SPATA33: variants seen among roughly 807,000 people sequenced by gnomAD.
The protein encoded by SPATA33 is spermatogenesis associated 33.
In SPATA33, 10 loss-of-function variants were observed where a neutral mutation model predicts 8.9. That is an observed-to-expected ratio of 1.12 (90% confidence interval 0.69 to 1.90). The LOEUF is 1.90. SPATA33 is among the 40% of genes most tolerant of loss of function. The probability of loss-of-function intolerance (pLI) is 0.00; values close to 1 mark genes in which losing one functional copy is unlikely to be tolerated. For missense variants in SPATA33, 241 were observed against 178.3 expected (o/e 1.35, Z -2.00); for synonymous variants, 96 against 72.8 (o/e 1.32, Z -1.63).
rs116324574 is a variant in SPATA33 at position 89,669,447 on chromosome 16, C to T, written c.373C>T (p.His125Tyr). ...GGAGGACTGGGGCCCCTACCGGCGG[C>T]ACAGGAACCCCAGTACAGCAGACGC... ...EPEDWGPYRR[H>Y]RNPSTADAYN... Residue 125 changes from histidine to tyrosine, a missense_variant, in exon 3 of 3, where the codon CAC becomes TAC. Physicochemically the swap from His to Tyr is moderately conservative, Grantham distance 83. Transcript: ENST00000579310. 5.1e-5 allele frequency: 83 copies of T among 1,613,826 alleles called. No individual in the cohort carries two copies. The East Asian group carries it at 1.8e-3, about 36-fold the overall frequency.
chr16:89,665,676 G>C (rs1034828095), intron 2 of SPATA33, among the ~76,000 whole-genome samples: 2 of 152,190 alleles, frequency 1.3e-5, no homozygotes, highest in Non-Finnish European at 2.9e-5. Context: ...TTTTAGACTA[G>C]AAAATTTCAA....
rs922149965 is a variant in SPATA33, at chr16:89,657,855, G to A, written c.-57G>A. ...CCTTTTGTGAGTCGCTCCCGGCTCC[G>A]CGGCCGCGGAGGTGTGGGGACCCGG... On this transcript the variant is annotated 5_prime_UTR_variant, in exon 1 of 3. Coordinates refer to ENST00000579310, the MANE Select transcript of SPATA33 (RefSeq NM_001271907.2). The A allele has an allele frequency of 1.9e-5, 29 of 1,509,178 alleles. 1 individual carries two copies. The highest frequency in any genetic ancestry group is 3.9e-4 in the Middle Eastern group (2 of 5,168). The allele number at this position is 1,509,178 out of a possible 1,614,324, so 93.5% of individuals were successfully genotyped here.
In SPATA33 at chr16:89,657,896, G is replaced by C; in HGVS notation, c.-16G>C. Reference sequence around the variant, plus strand: ...GGGGACCCGGGCTTGCGTCGGAGGGGGCGGTGGGCTCACCCATGGGCCTTT... The same window carrying C: ...GGGGACCCGGGCTTGCGTCGGAGGGCGCGGTGGGCTCACCCATGGGCCTTT... On this transcript the variant is annotated 5_prime_UTR_variant, in exon 1 of 3. Coordinates refer to ENST00000579310, the MANE Select transcript of SPATA33 (RefSeq NM_001271907.2). The C allele has an allele frequency of 6.6e-7, 1 of 1,517,418 alleles. No individual in the cohort carries two copies. Among genetic ancestry groups the C allele is most frequent in the Non-Finnish European group, 8.8e-7 (1 of 1,139,732 alleles). The allele number at this position is 1,517,418 out of a possible 1,614,324, so 94.0% of individuals were successfully genotyped here.
rs2060088193 is a variant in SPATA33 at position 89,670,436 on chromosome 16, A to G, written c.*939A>G. The G allele has an allele frequency of 1.3e-5, 2 of 152,372 alleles. No homozygotes were observed. Among genetic ancestry groups the G allele is most frequent in the African/African-American group, 4.8e-5 (2 of 41,576 alleles). 9.4% of individuals were successfully genotyped at this position (152,372 alleles called of 1,614,324 possible). A position where few individuals can be genotyped will look rare whatever the true frequency, so the allele number is the denominator to read the frequency against. On this transcript the variant is annotated 3_prime_UTR_variant, in exon 3 of 3. Transcript: ENST00000579310. ...AGCTTTGTGGTATTGATAAATGAAT[A>G]AATTAGTATGTTCATGTTGGAAGTG... is the stretch of plus-strand genomic sequence containing the variant.
chr16:89,665,736 C>T (rs764497671), intron 2 of SPATA33, among the ~76,000 whole-genome samples: 1 of 152,108 alleles, frequency 6.6e-6, no homozygotes, highest in Non-Finnish European at 1.5e-5. Context: ...CAAGTCAAAA[C>T]ACAAAAGATC....
intron 2 of SPATA33, among the ~76,000 whole-genome samples, chr16:89,666,388 A>C (rs1032214639): frequency 6.6e-6 from 1 of 152,064 alleles, no homozygotes; most frequent in African/African-American, 2.4e-5. Context: ...TGGCCGGCAC[A>C]GTGGTTCATG....
At position 89,657,870 on chromosome 16, in the gene SPATA33, TG is replaced by T. The variant is rs1389424398; in HGVS notation, c.-38del. 2 of 1,513,594 alleles carry T rather than the reference TG, an allele frequency of 1.3e-6. No individual in the cohort carries two copies. Among genetic ancestry groups the T allele is most frequent in the Non-Finnish European group, 1.8e-6 (2 of 1,137,928 alleles). 93.8% of individuals were successfully genotyped at this position (1,513,594 alleles called of 1,614,324 possible). The stretch of plus-strand genomic sequence containing the variant: ...TCCCGGCTCCGCGGCCGCGGAGGTG[TG>T]GGGACCCGGGCTTGCGTCGGAGGGG... On this transcript the variant is annotated 5_prime_UTR_variant, in exon 1 of 3. Coordinates refer to ENST00000579310, the MANE Select transcript of SPATA33 (RefSeq NM_001271907.2).
At chr16:89,665,176 G>A (rs1335472377) in intron 2 of SPATA33, among the ~76,000 whole-genome samples, 1 of 152,090 alleles carries the variant, frequency 6.6e-6, no homozygotes, top group Non-Finnish European at 1.5e-5. Flanking sequence ...TGTAGTTTTT[G>A]TAGAGATGCG....
At chr16:89,658,081 A>G (rs2059906152) in intron 1 of SPATA33, 133 bp downstream of exon 1, 2 of 1,478,950 alleles carry the variant, frequency 1.4e-6, no homozygotes, top group Admixed American at 5.4e-5. Flanking sequence ...CCTGCCGCCG[A>G]GTCCGCCACG....
chr16:89,667,342 G>A (rs897383182), intron 2 of SPATA33, among the ~76,000 whole-genome samples: 2 of 152,158 alleles, frequency 1.3e-5, no homozygotes, highest in African/African-American at 4.8e-5. Flanking sequence ...TATGATTGTA[G>A]AGCGAGGATT....
chr16:89,669,890 G>C lies in SPATA33; in HGVS notation c.*393G>C, dbSNP rs2060078718. ...CCAGGGTTGCCCCACCCTGTGAGAA[G>C]CCACCGCCCCCTTCTCCAGTGCTCT... On this transcript the variant is annotated 3_prime_UTR_variant, in exon 3 of 3. Transcript: ENST00000579310. The C allele has an allele frequency of 5.1e-6, 1 of 194,464 alleles. No homozygotes were observed. Among genetic ancestry groups the C allele is most frequent in the South Asian group, 7.4e-5 (1 of 13,492 alleles). The allele number at this position is 194,464 out of a possible 1,614,324, so 12.0% of individuals were successfully genotyped here.
intron 2 of SPATA33, among the ~76,000 whole-genome samples, chr16:89,662,150 T>C (rs2059973267): frequency 6.6e-6 from 1 of 151,956 alleles, no homozygotes; most frequent in African/African-American, 2.4e-5. Flanking sequence ...AAAAATTAGC[T>C]GGGTGTGGTG....
rs2060003853 is a variant in SPATA33, at chr16:89,664,758, A to G, written c.212-4528A>G. 2.6e-5 allele frequency among the ~76,000 whole-genome samples: 4 copies of G among 152,342 alleles called. No individual in the cohort carries two copies. The South Asian group carries it at 8.3e-4, about 32-fold the overall frequency. Reference sequence around the variant, plus strand: ...GGGAACTTCATTCCTTGAACCGGGAATAAATTCTGCCTCCAACCAGAATGG... The same window carrying G: ...GGGAACTTCATTCCTTGAACCGGGAGTAAATTCTGCCTCCAACCAGAATGG... On this transcript the variant is annotated intron_variant, in intron 2 of 2. Coordinates refer to ENST00000579310, the MANE Select transcript of SPATA33 (RefSeq NM_001271907.2).
intron 2 of SPATA33, chr16:89,660,942 G>A: frequency 8.8e-6 from 9 of 1,018,086 alleles, no homozygotes; most frequent in Middle Eastern, 4.8e-4. Flanking sequence ...TGCACCTCAG[G>A]GGGAGCCAGC....
In SPATA33 at chr16:89,658,413, C is replaced by T. The variant is rs751571842; in HGVS notation, c.203C>T (p.Ser68Leu). 1.2e-6 allele frequency: 2 copies of T among 1,608,236 alleles called. No individual in the cohort carries two copies. The highest frequency in any genetic ancestry group is 1.1e-5 in the South Asian group (1 of 90,682). The change falls in exon 2 of 3, where the codon TCG becomes TTG. Residue 68 changes from serine to leucine, a missense_variant. Physicochemically the swap from Ser to Leu is moderately radical, Grantham distance 145. Transcript: ENST00000579310. ...GTAKHPPPAA[S>L]LEEKPDVKQK... is the part of the protein sequence containing the mutation. The stretch of plus-strand genomic sequence containing the variant: ...GCCAAGCACCCGCCGCCGGCAGCTT[C>T]GCTGGAAGGTAGGAGACGGCGGGAG...
Position 89,666,786 on chromosome 16 carries a change from A to G in SPATA33, c.212-2500A>G, listed in dbSNP as rs1004704899. On this transcript the variant is annotated intron_variant, in intron 2 of 2. Coordinates refer to ENST00000579310, the MANE Select transcript of SPATA33 (RefSeq NM_001271907.2). ...GTGAGGTCATGTGGGTCATGTGTCC[A>G]CTGGACAGGGGGCCCTTCCCTGCCT... Among the ~76,000 whole-genome samples, 3 of 152,224 alleles carry G rather than the reference A, an allele frequency of 2.0e-5. No individual in the cohort carries two copies. In the East Asian group the frequency reaches 5.8e-4, roughly 29 times the overall value.
chr16:89,667,206 A>G (rs171805), intron 2 of SPATA33, among the ~76,000 whole-genome samples: 150,367 of 152,338 alleles, frequency 0.99, 74,236 homozygotes, highest in East Asian at 1. Flanking sequence ...TGGCGTTACC[A>G]CTAGACCAAG....
At chr16:89,660,929 G>T (rs1215818896) in intron 2 of SPATA33, 2 of 1,026,752 alleles carry the variant, frequency 1.9e-6, no homozygotes, top group Middle Eastern at 4.7e-4. Context: ...TCAGCTTGGG[G>T]CATGCACCTC....
intron 2 of SPATA33, among the ~76,000 whole-genome samples, chr16:89,668,774 A>G (rs555744499): frequency 2.4e-4 from 37 of 152,380 alleles, no homozygotes; most frequent in Middle Eastern, 6.8e-3. Flanking sequence ...TGTACGTGGC[A>G]ACGCTCGGCA....
Sources: gnomAD v4.1 joint callset for allele counts (sites outside exome capture counted in the v4.1 genomes callset) on GRCh38, gnomAD v4.1.1 for gene constraint, MANE v1.5 for transcripts, NCBI Gene and HGNC (gene_info 2026-07-23, HGNC 2026-07-21) for gene names.